Variants in DOCK2 observed in about 807,000 individuals in gnomAD.
DOCK2 encodes dedicator of cytokinesis 2.
DOCK2 carries 87 observed loss-of-function variants against 248.9 expected under a neutral mutation model. The observed-to-expected ratio is 0.35, with a 90% CI of 0.29 to 0.42. DOCK2 has a LOEUF of 0.42. Ranked by LOEUF, DOCK2 falls within the 10% of genes least tolerant of loss-of-function variation. The pLI, the probability that DOCK2 is intolerant of heterozygous loss-of-function variation, is 1.00. For missense variants in DOCK2, 1,747 were observed against 2,300.2 expected (o/e 0.76, Z 4.92); for synonymous variants, 805 against 821.6 (o/e 0.98, Z 0.35).
At chr5:169,829,104 G>A (rs1358281931) in intron 26 of DOCK2, among the ~76,000 whole-genome samples, 3 of 152,104 alleles carry the variant, frequency 2.0e-5, no homozygotes, top group African/African-American at 7.2e-5. Context: ...TTGGATGGGG[G>A]AGAAAAGGGA....
chr5:169,750,560 G>T (rs556565461), intron 23 of DOCK2, among the ~76,000 whole-genome samples: 10 of 152,162 alleles, frequency 6.6e-5, no homozygotes, highest in Middle Eastern at 3.2e-3. Context: ...TATGGTTTTG[G>T]CATAAGTCTT....
At chr5:169,817,775 C>G (rs539780264) in intron 26 of DOCK2, among the ~76,000 whole-genome samples, 7 of 152,276 alleles carry the variant, frequency 4.6e-5, no homozygotes, top group African/African-American at 1.4e-4. Context: ...CAGGGCTGAT[C>G]CAGTCTTACG....
At chr5:169,867,570 ATCATCTATCTG>A (rs1451568374) in intron 27 of DOCK2, among the ~76,000 whole-genome samples, 2 of 151,836 alleles carry the variant, frequency 1.3e-5, no homozygotes, top group African/African-American at 2.4e-5. Context: ...TCTATTATCT[ATCATCTATCTG>A]TCATCTATCG....
intron 25 of DOCK2, among the ~76,000 whole-genome samples, chr5:169,796,047 G>A (rs1766631253): frequency 1.3e-5 from 2 of 152,226 alleles, no homozygotes; most frequent in South Asian, 4.1e-4. Flanking sequence ...CAAAGTCTGG[G>A]GCTGGTTATG....
chr5:169,846,051 G>C (rs530062503), intron 27 of DOCK2, among the ~76,000 whole-genome samples: 1 of 152,168 alleles, frequency 6.6e-6, no homozygotes, highest in Non-Finnish European at 1.5e-5. Flanking sequence ...ACAAGGAGGA[G>C]AGATCCCCAT....
chr5:169,857,767 TA>T (rs1185776303), intron 27 of DOCK2, among the ~76,000 whole-genome samples: 1 of 151,300 alleles, frequency 6.6e-6, no homozygotes, highest in Non-Finnish European at 1.5e-5. Flanking sequence ...AAATCACACG[TA>T]CATAAACCAA....
chr5:169,658,362 C>T (rs1758240239), intron 2 of DOCK2, among the ~76,000 whole-genome samples: 1 of 151,254 alleles, frequency 6.6e-6, no homozygotes, highest in South Asian at 2.1e-4. Context: ...TGCCTGTAGT[C>T]CCAGCTACTC....
Position 169,933,288 on chromosome 5 carries a change from G to A in DOCK2, c.2800-49780G>A, listed in dbSNP as rs370636499. 3.2e-4 allele frequency among the ~76,000 whole-genome samples: 48 copies of A among 152,326 alleles called. 1 individual carries two copies. The highest frequency in any genetic ancestry group is 2.1e-3 in the South Asian group (10 of 4,828). ...TTAGCCTGTAGGACAGTGGCTGTCA[G>A]CCCTGGCTGCACATTGCAATCTCCT... On this transcript the variant is annotated intron_variant, in intron 27 of 51. Coordinates refer to ENST00000520908, the MANE Select transcript of DOCK2 (RefSeq NM_004946.3).
chr5:169,839,252 C>T (rs554057684), intron 26 of DOCK2, among the ~76,000 whole-genome samples: 19 of 152,266 alleles, frequency 1.2e-4, no homozygotes, highest in African/African-American at 3.6e-4. Context: ...AAATTGCTGA[C>T]GCTCAGGCTC....
intron 27 of DOCK2, among the ~76,000 whole-genome samples, chr5:169,889,471 A>G (rs1376228741): frequency 6.6e-6 from 1 of 152,222 alleles, no homozygotes; most frequent in Admixed American, 6.5e-5. Context: ...CTCATATGGA[A>G]TCTGTTCCTA....
chr5:170,009,365 C>T (rs1755196112), intron 32 of DOCK2, among the ~76,000 whole-genome samples: 1 of 152,158 alleles, frequency 6.6e-6, no homozygotes, highest in African/African-American at 2.4e-5. Flanking sequence ...GAATTGTTCC[C>T]CCATCCTTTT....
chr5:169,675,508 A>G (rs1295616703), intron 6 of DOCK2, among the ~76,000 whole-genome samples: 1 of 152,210 alleles, frequency 6.6e-6, no homozygotes, highest in African/African-American at 2.4e-5. Flanking sequence ...GCTGATATGT[A>G]CTGTGAGAAG....
At position 169,681,933 on chromosome 5, in the gene DOCK2, T is replaced by C. The variant is rs544194672; in HGVS notation, c.606+54T>C. On this transcript the variant is annotated intron_variant, in intron 7 of 51. Coordinates refer to ENST00000520908, the MANE Select transcript of DOCK2 (RefSeq NM_004946.3). Reference sequence around the variant, plus strand: ...AGTGATACAATCATTTAGCACATCATAAACTTAAAATAATGGGCTAATGAA... The same window carrying C: ...AGTGATACAATCATTTAGCACATCACAAACTTAAAATAATGGGCTAATGAA... The C allele has an allele frequency of 1.5e-5, 24 of 1,597,944 alleles. No individual in the cohort carries two copies. The Admixed American group carries it at 4.1e-4, about 27-fold the overall frequency.
chr5:169,783,993 A>G (rs536684998), intron 25 of DOCK2, among the ~76,000 whole-genome samples: 1 of 152,344 alleles, frequency 6.6e-6, no homozygotes, highest in African/African-American at 2.4e-5. Context: ...TGACCCAGGC[A>G]AGTGATGAGG....
At chr5:169,793,564 C>T (rs375950644) in intron 25 of DOCK2, among the ~76,000 whole-genome samples, 5 of 152,092 alleles carry the variant, frequency 3.3e-5, no homozygotes, top group South Asian at 2.1e-4. Flanking sequence ...AGTCAGGGTG[C>T]AATAAGTACA....
At chr5:169,765,677 A>T (rs937907948) in intron 25 of DOCK2, among the ~76,000 whole-genome samples, 3 of 152,212 alleles carry the variant, frequency 2.0e-5, no homozygotes, top group Admixed American at 6.5e-5. Context: ...TCCAAAACAA[A>T]CACAGAGAGA....
rs954066370 is a variant in DOCK2, at chr5:169,802,923, C to A, written c.2555-135C>A. ...TGTTCTCAGGAAATCTTAACCTAAT[C>A]TTTAATATTTTAATTTTTTACAAGG... On this transcript the variant is annotated intron_variant, in intron 25 of 51. Coordinates refer to ENST00000520908, the MANE Select transcript of DOCK2 (RefSeq NM_004946.3). 11 of 1,147,624 alleles carry A rather than the reference C, an allele frequency of 9.6e-6. No individual in the cohort carries two copies. The Admixed American group carries it at 3.0e-4, about 31-fold the overall frequency. 71.1% of individuals were successfully genotyped at this position (1,147,624 alleles called of 1,614,324 possible).
chr5:170,069,333 T>C (rs1757602738), intron 46 of DOCK2, 113 bp downstream of exon 46: 2 of 1,060,548 alleles, frequency 1.9e-6, no homozygotes, highest in Non-Finnish European at 1.4e-6. Flanking sequence ...CATGCCCTCC[T>C]GTCCCTTGCT....
chr5:170,081,803 T>G, intron 50 of DOCK2, 39 bp from the exon 51 acceptor site: 2 of 1,378,254 alleles, frequency 1.5e-6, no homozygotes, highest in Non-Finnish European at 9.7e-7. Flanking sequence ...GCCCCTCCTC[T>G]ACCCACCCAT....
Sources: allele counts gnomAD v4.1 joint callset (sites outside exome capture counted in the v4.1 genomes callset), GRCh38; gene constraint gnomAD v4.1.1; transcripts MANE v1.5; gene names NCBI Gene and HGNC (gene_info 2026-07-23, HGNC 2026-07-21).